Variants in ZNF837 observed in about 807,000 individuals in gnomAD.
ZNF837 encodes the protein zinc finger protein 837.
For missense variants in ZNF837, 955 were observed against 801.7 expected (o/e 1.19, Z -2.31); for synonymous variants, 475 against 365.2 (o/e 1.30, Z -3.43).
chr19:58,367,974 T>C lies in ZNF837; in HGVS notation c.1359A>G (p.Gly453=), dbSNP rs754112549. ...GCTCGGAGCAGCCGCGGAAGGTCTT[T>C]CCGCACTCGGAGCAGCCATAGGGCC... ...GERPYGCSEC[G]KTFRGCSELR... is the part of the protein sequence containing the mutation. The change falls in exon 3 of 3, where the codon GGA becomes GGG. Residue 453 remains glycine, a synonymous_variant. Transcript: ENST00000597582. The C allele has an allele frequency of 3.9e-6, 6 of 1,530,994 alleles. No homozygotes were observed. The South Asian group carries it at 6.0e-5, about 15-fold the overall frequency. The allele number at this position is 1,530,994 out of a possible 1,614,324, so 94.8% of individuals were successfully genotyped here.
At chr19:58,375,869 C>T (rs549913602) in intron 1 of ZNF837, among the ~76,000 whole-genome samples, 2 of 151,818 alleles carry the variant, frequency 1.3e-5, no homozygotes. Flanking sequence ...CCTGGTCACA[C>T]GAAAGCACTG....
At chr19:58,373,402 G>C (rs907131775) in intron 1 of ZNF837, among the ~76,000 whole-genome samples, 1 of 152,208 alleles carries the variant, frequency 6.6e-6, no homozygotes, top group Non-Finnish European at 1.5e-5. Flanking sequence ...GGGTGGTGCT[G>C]AACACCAGCA....
In ZNF837 at chr19:58,368,328, G is replaced by A. The variant is rs1270486902; in HGVS notation, c.1005C>T (p.Arg335=). The A allele has an allele frequency of 2.7e-6, 4 of 1,502,222 alleles. No homozygotes were observed. Among genetic ancestry groups the A allele is most frequent in the Non-Finnish European group, 3.5e-6 (4 of 1,133,804 alleles). The allele number at this position is 1,502,222 out of a possible 1,614,324, so 93.1% of individuals were successfully genotyped here. Reference sequence around the variant, plus strand: ...AGGGCGGGCACCCCAGCCGGAAGGCGCGCCGCGCCAGGACGGGGCCACGCC... The same window carrying A: ...AGGGCGGGCACCCCAGCCGGAAGGCACGCCGCGCCAGGACGGGGCCACGCC... ...RHRRGPVLAR[R]AFRLGCPPCG... is the part of the protein sequence containing the mutation. The change falls in exon 3 of 3, where the codon CGC becomes CGT. Residue 335 remains arginine, a synonymous_variant. Transcript: ENST00000597582.
intron 1 of ZNF837, among the ~76,000 whole-genome samples, chr19:58,372,390 G>A (rs958087368): frequency 5.3e-5 from 8 of 151,914 alleles, no homozygotes; most frequent in East Asian, 1.9e-4. Context: ...TCAGAGGGCC[G>A]GGTGTGGTGG....
In ZNF837 at chr19:58,367,971, C is replaced by G. The variant is rs1384304794; in HGVS notation, c.1362G>C (p.Lys454Asn). ...GCAGCTCGGAGCAGCCGCGGAAGGT[C>G]TTTCCGCACTCGGAGCAGCCATAGG... ...ERPYGCSECGKTFRGCSELRQ... is the reference protein window; with the variant it reads ...ERPYGCSECGNTFRGCSELRQ... The change falls in exon 3 of 3, where the codon AAG (lysine) becomes AAC (asparagine). Residue 454 changes from lysine (K) to asparagine (N), a missense_variant. Physicochemically the swap from Lys to Asn is moderately conservative, Grantham distance 94. Transcript: ENST00000597582. The G allele has an allele frequency of 2.0e-6, 3 of 1,532,630 alleles. No individual in the cohort carries two copies. The highest frequency in any genetic ancestry group is 2.0e-5 in the Admixed American group (1 of 50,592). The allele number at this position is 1,532,630 out of a possible 1,614,324, so 94.9% of individuals were successfully genotyped here.
Position 58,368,099 on chromosome 19 carries a change from T to TGCGCTGGTGCCGGCTCAGGTTCGA in ZNF837, c.1210_1233dup (p.Ser404_Arg411dup). Reference sequence around the variant, plus strand: ...GCGTAGGGCTTGGCGCTGCTGTGAGTGCGCTGGTGCCGGCTCAGGTTCGAG... The same window carrying TGCGCTGGTGCCGGCTCAGGTTCGA: ...GCGTAGGGCTTGGCGCTGCTGTGAGTGCGCTGGTGCCGGCTCAGGTTCGAGCGCTGGTGCCGGCTCAGGTTCGAG... On this transcript the variant is annotated inframe_insertion, in exon 3 of 3. Transcript: ENST00000597582. The TGCGCTGGTGCCGGCTCAGGTTCGA allele has an allele frequency of 1.3e-6, 2 of 1,557,972 alleles. No homozygotes were observed. Among genetic ancestry groups the TGCGCTGGTGCCGGCTCAGGTTCGA allele is most frequent in the East Asian group, 2.4e-5 (1 of 41,648 alleles).
At chr19:58,375,311 T>TATAA (rs1411570512) in intron 1 of ZNF837, among the ~76,000 whole-genome samples, 1 of 41,066 alleles carries the variant, frequency 2.4e-5, no homozygotes, top group African/African-American at 5.3e-5. Flanking sequence ...TATATATATA[T>TATAA]AAAATTACAT....
chr19:58,373,736 G>A (rs1307457967), intron 1 of ZNF837, among the ~76,000 whole-genome samples: 1 of 152,244 alleles, frequency 6.6e-6, no homozygotes, highest in Admixed American at 6.5e-5. Context: ...CCAACAGCAG[G>A]TGGACATGAA....
In ZNF837 at chr19:58,368,555, G is replaced by A; in HGVS notation, c.778C>T (p.Pro260Ser). 6.5e-7 allele frequency: 1 copy of A among 1,538,540 alleles called. No homozygotes were observed. ...PECGQTSRPR[P>S]IVPDPPAQRL... ...TGGGCCGGGGGGTCGGGGACAATAGGGCGAGGTCGCGAGGTTTGGCCGCAC... is the reference window on the plus strand; with the variant it reads ...TGGGCCGGGGGGTCGGGGACAATAGAGCGAGGTCGCGAGGTTTGGCCGCAC... Residue 260 changes from proline to serine, a missense_variant, in exon 3 of 3, where the codon CCT (proline) becomes TCT (serine). Physicochemically the swap from Pro to Ser is moderately conservative, Grantham distance 74. Transcript: ENST00000597582.
chr19:58,371,394 C>T lies in ZNF837; in HGVS notation c.-139-1466G>A, dbSNP rs147438760. 1.3e-3 allele frequency among the ~76,000 whole-genome samples: 204 copies of T among 152,226 alleles called. 1 individual carries two copies. Among genetic ancestry groups the T allele is most frequent in the African/African-American group, 4.6e-3 (190 of 41,550 alleles). On this transcript the variant is annotated intron_variant, in intron 1 of 2. Coordinates refer to ENST00000597582, the MANE Select transcript of ZNF837 (RefSeq NM_138466.2). ...CTGCCCTCCAGCCTGGGCGACAGAGCGAGACTCCGTCTCAAAAATAAATAA... is the reference window on the plus strand; with the variant it reads ...CTGCCCTCCAGCCTGGGCGACAGAGTGAGACTCCGTCTCAAAAATAAATAA...
Position 58,368,910 on chromosome 19 carries a change from C to T in ZNF837, c.423G>A (p.Thr141=). 2 of 1,547,762 alleles carry T rather than the reference C, an allele frequency of 1.3e-6. No individual in the cohort carries two copies. Among genetic ancestry groups the T allele is most frequent in the South Asian group, 1.2e-5 (1 of 84,002 alleles). The change falls in exon 3 of 3, where the codon ACG becomes ACA. Residue 141 remains threonine, a synonymous_variant. Transcript: ENST00000597582. ...AWHRGAPAGE[T]PPVCDPCPER... ...CCGGACAGGGGTCACACACGGGTGG[C>T]GTCTCCCCAGCGGGCGCCCCGCGAT...
Position 58,371,491 on chromosome 19 carries a change from C to T in ZNF837, c.-139-1563G>A, listed in dbSNP as rs565238646. Among the ~76,000 whole-genome samples, 5 of 152,260 alleles carry T rather than the reference C, an allele frequency of 3.3e-5. No homozygotes were observed. The South Asian group carries it at 1.0e-3, about 32-fold the overall frequency. ...CCTCACACGTGATAAGTGCACAATC[C>T]TCCTGTCCCCTCCCTAGATCTCATT... On this transcript the variant is annotated intron_variant, in intron 1 of 2. Transcript: ENST00000597582.
chr19:58,369,626 G>A (rs1263682995), intron 2 of ZNF837, 193 bp downstream of exon 2: 1 of 302,654 alleles, frequency 3.3e-6, no homozygotes, highest in East Asian at 5.1e-5. Context: ...AAAACACTGT[G>A]CCCCTGGCTA....
At chr19:58,373,387 C>T (rs1012794763) in intron 1 of ZNF837, among the ~76,000 whole-genome samples, 1 of 152,238 alleles carries the variant, frequency 6.6e-6, no homozygotes, top group African/African-American at 2.4e-5. Flanking sequence ...AGTACGAGGA[C>T]ATCTGGGTGG....
At position 58,368,514 on chromosome 19, in the gene ZNF837, G is replaced by C; in HGVS notation, c.819C>G (p.Cys273Trp). The part of the protein sequence containing the change: ...PDPPAQRLYA[C>W]DECGKAFTRT... ...GCGTGAAGGCCTTGCCGCACTCGTC[G>C]CAAGCGTACAGTCGCTGGGCCGGGG... is the stretch of plus-strand genomic sequence containing the variant. Residue 273 changes from cysteine (C) to tryptophan (W), a missense_variant, in exon 3 of 3, where the codon TGC becomes TGG. Transcript: ENST00000597582. The C allele has an allele frequency of 6.5e-7, 1 of 1,547,400 alleles. No individual in the cohort carries two copies. The highest frequency in any genetic ancestry group is 8.7e-7 in the Non-Finnish European group (1 of 1,147,324).
Position 58,368,572 on chromosome 19 carries a change from T to G in ZNF837, c.761A>C (p.Gln254Pro). The change falls in exon 3 of 3, where the codon CAA becomes CCA. Residue 254 changes from glutamine (Q) to proline (P), a missense_variant. Transcript: ENST00000597582. The stretch of plus-strand genomic sequence containing the variant: ...GACAATAGGGCGAGGTCGCGAGGTT[T>G]GGCCGCACTCAGGACACACTGGGGG... ...KSPPVCPECG[Q>P]TSRPRPIVPD... is the part of the protein sequence containing the mutation. 1.3e-6 allele frequency: 2 copies of G among 1,536,166 alleles called. No individual in the cohort carries two copies. The highest frequency in any genetic ancestry group is 3.9e-5 in the Admixed American group (2 of 50,722).
chr19:58,373,744 G>C (rs1355794815), intron 1 of ZNF837, among the ~76,000 whole-genome samples: 1 of 152,256 alleles, frequency 6.6e-6, no homozygotes, highest in East Asian at 1.9e-4. Flanking sequence ...AGGTGGACAT[G>C]AATCTAACCC....
chr19:58,369,353 T>G lies in ZNF837; in HGVS notation c.-21A>C. 7.4e-7 allele frequency: 1 copy of G among 1,342,910 alleles called. No individual in the cohort carries two copies. The highest frequency in any genetic ancestry group is 9.5e-7 in the Non-Finnish European group (1 of 1,051,774). 83.2% of individuals were successfully genotyped at this position (1,342,910 alleles called of 1,614,324 possible). ...TCCATCCTGGGGCGCAGAGTTCTGG[T>G]TGTAGGATCTGGAAGAGCAGAGAAG... On this transcript the variant is annotated 5_prime_UTR_variant, in exon 3 of 3. Coordinates refer to ENST00000597582, the MANE Select transcript of ZNF837 (RefSeq NM_138466.2).
At position 58,367,725 on chromosome 19, in the gene ZNF837, G is replaced by T. The variant is rs1034125138; in HGVS notation, c.*12C>A. The T allele has an allele frequency of 4.0e-6, 6 of 1,495,362 alleles. No homozygotes were observed. Among genetic ancestry groups the T allele is most frequent in the East Asian group, 5.0e-5 (2 of 40,138 alleles). 92.6% of individuals were successfully genotyped at this position (1,495,362 alleles called of 1,614,324 possible). ...TCGCTTGGGCGACGCGTCGACTCTC[G>T]GCTCCCTGCAGTCAAGGCGCGGCGC... On this transcript the variant is annotated 3_prime_UTR_variant, in exon 3 of 3. Coordinates refer to ENST00000597582, the MANE Select transcript of ZNF837 (RefSeq NM_138466.2).
Sources: gnomAD v4.1 joint callset for allele counts (sites outside exome capture counted in the v4.1 genomes callset) on GRCh38, gnomAD v4.1.1 for gene constraint, MANE v1.5 for transcripts, NCBI Gene and HGNC (gene_info 2026-07-23, HGNC 2026-07-21) for gene names.